Variants in ST7 observed in about 807,000 individuals in gnomAD.
ST7 encodes the protein suppressor of tumorigenicity 7 protein.
Under a neutral mutation model 78.7 loss-of-function variants are expected in ST7, and 28 were observed. The ratio of observed to expected loss-of-function variants is 0.36; its 90% CI spans 0.26 to 0.49. The LOEUF is 0.49. Ranked by LOEUF, ST7 falls within the 20% of genes least tolerant of loss-of-function variation. The pLI is 0.99. For synonymous variants in ST7, 247 were observed against 249.6 expected (o/e 0.99, Z 0.10); for missense variants, 418 against 696.0 (o/e 0.60, Z 4.49).
At chr7:117,086,021 C>T (rs376684622) in intron 1 of ST7, among the ~76,000 whole-genome samples, 5 of 152,110 alleles carry the variant, frequency 3.3e-5, no homozygotes, top group African/African-American at 1.2e-4. Flanking sequence ...CTCTCCCCTC[C>T]CCTCTCTTCC....
chr7:117,193,150 TACAC>T (rs137866535), intron 12 of ST7, among the ~76,000 whole-genome samples: 19,978 of 144,802 alleles, frequency 0.14, 1,366 homozygotes, highest in Non-Finnish European at 0.16. Flanking sequence ...CTTTAGCAGA[TACAC>T]ACACACACAC....
At chr7:117,207,393 C>T (rs1019496394) in intron 12 of ST7, among the ~76,000 whole-genome samples, 161 of 152,162 alleles carry the variant, frequency 1.1e-3, no homozygotes, top group African/African-American at 3.3e-3. Context: ...CCACCCGCCA[C>T]GACCTCCCAA....
At chr7:117,200,742 CG>C (rs540728324) in intron 12 of ST7, among the ~76,000 whole-genome samples, 2 of 150,114 alleles carry the variant, frequency 1.3e-5, no homozygotes, top group South Asian at 4.2e-4. Flanking sequence ...TCTGGGAGTG[CG>C]GGAAGTCAAG....
chr7:117,049,435 T>C (rs1797655342), intron 1 of ST7, among the ~76,000 whole-genome samples: 1 of 152,208 alleles, frequency 6.6e-6, no homozygotes, highest in Admixed American at 6.5e-5. Flanking sequence ...CTTTCTAAAA[T>C]TATAAAACCA....
chr7:116,962,132 CTG>C (rs1168443029), intron 1 of ST7, among the ~76,000 whole-genome samples: 9 of 152,130 alleles, frequency 5.9e-5, no homozygotes, highest in African/African-American at 2.2e-4. Flanking sequence ...TTTTTTATGA[CTG>C]TATAGTATTC....
intron 1 of ST7, among the ~76,000 whole-genome samples, chr7:116,971,708 GC>G (rs1198758488): frequency 6.6e-6 from 1 of 152,088 alleles, no homozygotes; most frequent in African/African-American, 2.4e-5. Flanking sequence ...GCTCTGTTTG[GC>G]TCTCAGTAAG....
intron 1 of ST7, among the ~76,000 whole-genome samples, chr7:117,056,240 T>G (rs529116268): frequency 2.0e-5 from 3 of 152,170 alleles, no homozygotes; most frequent in Non-Finnish European, 4.4e-5. Flanking sequence ...ACAATCACAC[T>G]AGGTGAGATG....
At chr7:116,972,641 T>C in intron 1 of ST7, 1 of 1,217,956 alleles carries the variant, frequency 8.2e-7, no homozygotes, top group South Asian at 1.2e-5. Flanking sequence ...ATAAACTTCA[T>C]ACCTCTCTCA....
At chr7:117,136,050 A>G (rs1804767459) in intron 7 of ST7, 31 bp from the exon 8 acceptor site, 2 of 1,608,772 alleles carry the variant, frequency 1.2e-6, no homozygotes, top group African/African-American at 1.3e-5. Context: ...TTGGCTTTGT[A>G]ATTGATGGTG....
intron 1 of ST7, among the ~76,000 whole-genome samples, chr7:117,039,020 A>G (rs1051366758): frequency 1.3e-5 from 2 of 152,198 alleles, no homozygotes; most frequent in South Asian, 4.1e-4. Context: ...TTTAACAGCC[A>G]CAGAATACTT....
chr7:117,085,133 T>C (rs1366303297), intron 1 of ST7, among the ~76,000 whole-genome samples: 1 of 152,246 alleles, frequency 6.6e-6, no homozygotes, highest in Admixed American at 6.5e-5. Flanking sequence ...ACTAGTGCTC[T>C]GTGACAGAAG....
At chr7:117,215,166 G>A (rs1052949828) in intron 13 of ST7, among the ~76,000 whole-genome samples, 8 of 152,046 alleles carry the variant, frequency 5.3e-5, no homozygotes, top group African/African-American at 1.9e-4. Context: ...TTTTCCCAAG[G>A]CCACACAATT....
intron 1 of ST7, among the ~76,000 whole-genome samples, chr7:117,060,156 C>A (rs897259995): frequency 2.0e-5 from 3 of 152,026 alleles, no homozygotes; most frequent in Non-Finnish European, 4.4e-5. Flanking sequence ...GCAGTGGGAT[C>A]TTTTGGTGGG....
chr7:117,220,560 A>C (rs187280997), intron 14 of ST7, among the ~76,000 whole-genome samples: 1 of 152,364 alleles, frequency 6.6e-6, no homozygotes, highest in East Asian at 1.9e-4. Context: ...TATTAGAACA[A>C]GATTACAGTT....
At chr7:116,963,111 A>G (rs1024015580) in intron 1 of ST7, among the ~76,000 whole-genome samples, 2 of 152,220 alleles carry the variant, frequency 1.3e-5, no homozygotes, top group African/African-American at 4.8e-5. Flanking sequence ...ACATTAAACT[A>G]TATAATAGAA....
At chr7:117,011,254 G>A (rs1300543964) in intron 1 of ST7, among the ~76,000 whole-genome samples, 1 of 152,130 alleles carries the variant, frequency 6.6e-6, no homozygotes, top group African/African-American at 2.4e-5. Context: ...AGGCTCCCCA[G>A]AACATCAGCA....
At chr7:117,169,319 A>G (rs1032580506) in intron 9 of ST7, among the ~76,000 whole-genome samples, 1 of 151,964 alleles carries the variant, frequency 6.6e-6, no homozygotes, top group African/African-American at 2.4e-5. Context: ...TATTTTTAGT[A>G]GAGATGGGGT....
intron 10 of ST7, among the ~76,000 whole-genome samples, chr7:117,172,266 A>T (rs572964757): frequency 9.2e-5 from 14 of 152,198 alleles, no homozygotes; most frequent in Non-Finnish European, 2.1e-4. Flanking sequence ...TTTTTGACAC[A>T]TTTCTTCATA....
At chr7:116,996,081 C>CT (rs1563000185) in intron 1 of ST7, among the ~76,000 whole-genome samples, 1 of 130,810 alleles carries the variant, frequency 7.6e-6, no homozygotes, top group African/African-American at 2.8e-5. Context: ...GCAGATTCCC[C>CT]GTTTTTTTTT....
Sources: allele counts gnomAD v4.1 joint callset (sites outside exome capture counted in the v4.1 genomes callset), GRCh38; gene constraint gnomAD v4.1.1; transcripts MANE v1.5; gene names NCBI Gene and HGNC (gene_info 2026-07-23, HGNC 2026-07-21).